The following HSPG2 variants were observed in gnomAD, a reference collection of about 807,000 sequenced individuals.
HSPG2 encodes the protein heparan sulfate proteoglycan 2, also known as basement membrane-specific heparan sulfate proteoglycan core protein.
In HSPG2, 278 loss-of-function variants were observed where a neutral mutation model predicts 526.6. The observed-to-expected ratio is 0.53, with a 90% CI of 0.48 to 0.58. HSPG2 has a LOEUF of 0.58. Ranked by LOEUF, HSPG2 falls within the 20% of genes least tolerant of loss-of-function variation. The probability of loss-of-function intolerance (pLI) is 0.00; values close to 1 mark genes in which losing one functional copy is unlikely to be tolerated. For missense variants in HSPG2, 5,354 were observed against 6,099.5 expected (o/e 0.88, Z 4.07); for synonymous variants, 2,465 against 2,555.4 (o/e 0.96, Z 1.07).
chr1:21,899,597 C>T (rs1642980583), intron 1 of HSPG2, among the ~76,000 whole-genome samples: 1 of 152,186 alleles, frequency 6.6e-6, no homozygotes, highest in African/African-American at 2.4e-5. Flanking sequence ...GCTATATCAC[C>T]TCTGTGACCA....
intron 50 of HSPG2, chr1:21,853,923 G>C (rs1313708327): frequency 5.9e-6 from 3 of 508,148 alleles, no homozygotes; most frequent in African/African-American, 5.8e-5. Flanking sequence ...TTTGAACCAG[G>C]TCAGCCGACT....
chr1:21,843,214 G>C, intron 66 of HSPG2, 83 bp downstream of exon 66: 1 of 1,587,310 alleles, frequency 6.3e-7, no homozygotes, highest in Non-Finnish European at 8.6e-7. Context: ...ATAAGTGCCC[G>C]GCTGGGAGAG....
chr1:21,937,168 C>T lies in HSPG2; in HGVS notation c.50G>A (p.Gly17Glu). ...GALLLALLLH[G>E]RLLAVTHGLR... ...CCGCACACTCACCGCCAGCAGCCGC[C>T]CGTGCAGCAGCAGCGCCAGCAGCAG... Residue 17 changes from glycine (G) to glutamate (E), a missense_variant, in exon 1 of 97, where the codon GGG becomes GAG. Physicochemically the swap from Gly to Glu is moderately conservative, Grantham distance 98. Coordinates refer to ENST00000374695, the MANE Select transcript of HSPG2 (RefSeq NM_005529.7). 9.2e-7 allele frequency: 1 copy of T among 1,082,460 alleles called. No individual in the cohort carries two copies. The highest frequency in any genetic ancestry group is 1.1e-6 in the Non-Finnish European group (1 of 875,096). The allele number at this position is 1,082,460 out of a possible 1,614,324, so 67.1% of individuals were successfully genotyped here.
rs1215934207 is a variant in HSPG2 at position 21,830,033 on chromosome 1, G to T, written c.11730C>A (p.Cys3910Ter). 6.2e-7 allele frequency: 1 copy of T among 1,607,832 alleles called. No homozygotes were observed. Among genetic ancestry groups the T allele is most frequent in the Non-Finnish European group, 8.5e-7 (1 of 1,178,278 alleles). ...ACCCCGAGCGGCCCAGGTGGCAGCG[G>T]CAGGTGTAGCCTCGACCGTCAGGCC... ...VNRPDGRGYT[C>*]RCHLGRSGLR... Residue 3910 changes from cysteine (C) to a stop codon, truncating the protein, a stop_gained, in exon 86 of 97, where the codon TGC becomes TGA. Coordinates refer to ENST00000374695, the MANE Select transcript of HSPG2 (RefSeq NM_005529.7). LOFTEE classifies it high-confidence loss of function.
At chr1:21,877,299 C>A (rs558319680) in intron 21 of HSPG2, among the ~76,000 whole-genome samples, 48 of 148,354 alleles carry the variant, frequency 3.2e-4, no homozygotes, top group African/African-American at 1.2e-3. Flanking sequence ...TTCGACATCA[C>A]CTCATTTAAC....
Position 21,848,134 on chromosome 1 carries a change from G to T in HSPG2, c.7738-41C>A. ...GGCAGGAGGTATGGCAGTAGGTGTG[G>T]GCAGCTCCTCCACATCTTGGGCACT... On this transcript the variant is annotated intron_variant, in intron 59 of 96. Coordinates refer to ENST00000374695, the MANE Select transcript of HSPG2 (RefSeq NM_005529.7). This position sits in a 1 kb window ranked among gnomAD's most constrained non-coding sequence, Gnocchi z 4.9. 6.5e-7 allele frequency: 1 copy of T among 1,550,154 alleles called. No homozygotes were observed. Among genetic ancestry groups the T allele is most frequent in the South Asian group, 1.2e-5 (1 of 84,656 alleles).
chr1:21,831,533 C>G lies in HSPG2; in HGVS notation c.11382G>C (p.Glu3794Asp). The G allele has an allele frequency of 6.2e-7, 1 of 1,614,136 alleles. No homozygotes were observed. Among genetic ancestry groups the G allele is most frequent in the Non-Finnish European group, 8.5e-7 (1 of 1,179,992 alleles). The change falls in exon 83 of 97, where the codon GAG becomes GAC. Residue 3794 changes from glutamate to aspartate, a missense_variant. Glu to Asp is a conservative substitution (Grantham distance 45). Transcript: ENST00000374695. ...CAGGATAGCCACCCAGGTAGAGTTC[C>G]TCGTTCAGATCCAGGCCCTGGAACT... ...QGKFQGLDLN[E>D]ELYLGGYPDY...
chr1:21,869,746 G>C (rs1640503768), intron 33 of HSPG2: 1 of 985,354 alleles, frequency 1.0e-6, no homozygotes, highest in Admixed American at 6.1e-5. Context: ...CTCCCCACGG[G>C]CCCAGCCAGC....
intron 1 of HSPG2, among the ~76,000 whole-genome samples, chr1:21,911,769 C>T (rs1643695836): frequency 6.6e-6 from 1 of 152,172 alleles, no homozygotes; most frequent in African/African-American, 2.4e-5. Context: ...TCCCTGGAGG[C>T]TGTGAGCTTG....
rs370376785 is a variant in HSPG2, at chr1:21,847,537, C to T, written c.8026-45G>A. 2.4e-5 allele frequency: 39 copies of T among 1,612,248 alleles called. No individual in the cohort carries two copies. Among genetic ancestry groups the T allele is most frequent in the South Asian group, 1.2e-4 (11 of 91,056 alleles). On this transcript the variant is annotated intron_variant, in intron 61 of 96. Coordinates refer to ENST00000374695, the MANE Select transcript of HSPG2 (RefSeq NM_005529.7). The surrounding 1 kb of genome is among the most constrained non-coding windows in gnomAD (Gnocchi z 4.1). ...AGGAGAGGGAGAGGGAGTGGAGGGACGCTGGGGTCACCAGCTGGCTCAGGC... is the reference window on the plus strand; with the variant it reads ...AGGAGAGGGAGAGGGAGTGGAGGGATGCTGGGGTCACCAGCTGGCTCAGGC...
In HSPG2 at chr1:21,823,739, G is replaced by C; in HGVS notation, c.12900-20C>G. 6.2e-7 allele frequency: 1 copy of C among 1,602,416 alleles called. No individual in the cohort carries two copies. Among genetic ancestry groups the C allele is most frequent in the South Asian group, 1.1e-5 (1 of 90,884 alleles). On this transcript the variant is annotated intron_variant, in intron 95 of 96. Transcript: ENST00000374695. ...CCCTCCCTGCAGTGGAACTGGGTCA[G>C]GCCCCTTTCCACAAACTTCCTGGTC... is the stretch of plus-strand genomic sequence containing the variant.
At chr1:21,919,829 C>T (rs1032721516) in intron 1 of HSPG2, among the ~76,000 whole-genome samples, 1 of 152,220 alleles carries the variant, frequency 6.6e-6, no homozygotes, top group East Asian at 1.9e-4. Flanking sequence ...TTACTGCACA[C>T]AGTAGGCCCT....
chr1:21,912,956 G>A (rs185757492), intron 1 of HSPG2, among the ~76,000 whole-genome samples: 32 of 151,896 alleles, frequency 2.1e-4, no homozygotes, highest in African/African-American at 7.7e-4. Flanking sequence ...CTCCAGCCTG[G>A]GCGAAAGAGT....
chr1:21,878,446 C>G lies in HSPG2; in HGVS notation c.2604G>C (p.Lys868Asn). The G allele has an allele frequency of 1.2e-6, 2 of 1,607,284 alleles. No individual in the cohort carries two copies. Among genetic ancestry groups the G allele is most frequent in the Non-Finnish European group, 1.7e-6 (2 of 1,175,992 alleles). Residue 868 changes from lysine to asparagine, a missense_variant, in exon 20 of 97, where the codon AAG becomes AAC. Physicochemically the swap from Lys to Asn is moderately conservative, Grantham distance 94. Transcript: ENST00000374695. ...AGCCATACTCACTGACGGGCCTGCA[C>G]TTCCCGCCGGGCTGGATGGGGTTGC... ...YEGNPIQPGG[K>N]CRPVNQEIVR... is the part of the protein sequence containing the mutation.
intron 75 of HSPG2, among the ~76,000 whole-genome samples, chr1:21,835,980 T>C (rs1277569581): frequency 3.1e-4 from 32 of 102,666 alleles, no homozygotes; most frequent in African/African-American, 1.4e-3. Context: ...TAAGATTCCA[T>C]CTCAAAAAAA....
Position 21,908,473 on chromosome 1 carries a change from G to GGA in HSPG2, c.64-12164_64-12163insTC, listed in dbSNP as rs1046926168. On this transcript the variant is annotated intron_variant, in intron 1 of 96. Coordinates refer to ENST00000374695, the MANE Select transcript of HSPG2 (RefSeq NM_005529.7). The stretch of plus-strand genomic sequence containing the variant: ...AGAAGCCAAAGAGAAAGGTACCTGG[G>GGA]TTCAACTAAAGCGCCAGCCTGCTCC... 4.1e-5 allele frequency: 35 copies of GGA among 847,384 alleles called. No individual in the cohort carries two copies. In the African/African-American group the frequency reaches 5.5e-4, roughly 13 times the overall value. The allele number at this position is 847,384 out of a possible 1,614,324, so 52.5% of individuals were successfully genotyped here. A position where few individuals can be genotyped will look rare whatever the true frequency, so the allele number is the denominator to read the frequency against.
intron 62 of HSPG2, 41 bp from the exon 63 acceptor site, chr1:21,846,640 A>G: frequency 6.2e-7 from 1 of 1,612,258 alleles, no homozygotes. Flanking sequence ...AGCCGTTGTC[A>G]GATTTGGGAA....
chr1:21,849,388 A>G (rs1319144999), intron 57 of HSPG2, among the ~76,000 whole-genome samples: 3 of 152,154 alleles, frequency 2.0e-5, no homozygotes, highest in Non-Finnish European at 4.4e-5. Flanking sequence ...TGTCCTTCAC[A>G]TGGGGAAGGG....
At position 21,852,821 on chromosome 1, in the gene HSPG2, C is replaced by T. The variant is rs751596833; in HGVS notation, c.6603G>A (p.Ser2201=). The T allele has an allele frequency of 1.2e-5, 20 of 1,610,220 alleles. No individual in the cohort carries two copies. The East Asian group carries it at 1.6e-4, about 13-fold the overall frequency. ...SLPARHQTHG[S]LLRLHQVTPA... is the part of the protein sequence containing the mutation. ...GGGTCACCTGGTGCAGCCGCAGCAGCGAGCCGTGGGTCTGTGTGCAAATGG... is the reference window on the plus strand; with the variant it reads ...GGGTCACCTGGTGCAGCCGCAGCAGTGAGCCGTGGGTCTGTGTGCAAATGG... Residue 2201 remains serine (S), a synonymous_variant, in exon 52 of 97, where the codon TCG becomes TCA. Coordinates refer to ENST00000374695, the MANE Select transcript of HSPG2 (RefSeq NM_005529.7).
Sources: allele counts gnomAD v4.1 joint callset (sites outside exome capture counted in the v4.1 genomes callset), GRCh38; gene constraint gnomAD v4.1.1; non-coding constraint Gnocchi (gnomAD v3.1); transcripts MANE v1.5; gene names NCBI Gene and HGNC (gene_info 2026-07-23, HGNC 2026-07-21).